The following PIK3C2B variants were observed in gnomAD, a reference collection of about 807,000 sequenced individuals.
PIK3C2B encodes the protein phosphatidylinositol-4-phosphate 3-kinase catalytic subunit type 2 beta.
In PIK3C2B, 83 loss-of-function variants were observed where a neutral mutation model predicts 184.3. The observed-to-expected ratio is 0.45, with a 90% CI of 0.38 to 0.54. The LOEUF (loss-of-function observed/expected upper bound fraction) is 0.54. Among genes scored for constraint, PIK3C2B ranks in the 20% least tolerant of loss-of-function variants. PIK3C2B has a pLI of 0.00. For synonymous variants in PIK3C2B, 779 were observed against 837.6 expected (o/e 0.93, Z 1.21); for missense variants, 1,736 against 2,113.5 (o/e 0.82, Z 3.50).
At chr1:204,450,339 C>A (rs1255143143) in intron 12 of PIK3C2B, among the ~76,000 whole-genome samples, 1 of 152,190 alleles carries the variant, frequency 6.6e-6, no homozygotes, top group African/African-American at 2.4e-5. Context: ...CAGGTGATGA[C>A]ACGTCCCATG....
At chr1:204,430,734 C>T (rs768794599) in intron 28 of PIK3C2B, among the ~76,000 whole-genome samples, 1 of 152,108 alleles carries the variant, frequency 6.6e-6, no homozygotes, top group Admixed American at 6.5e-5. Flanking sequence ...TCTCAGCTCA[C>T]TGCAACCTCT....
At position 204,443,481 on chromosome 1, in the gene PIK3C2B, C is replaced by T; in HGVS notation, c.2984G>A (p.Trp995Ter). 1 of 1,614,252 alleles carries T rather than the reference C, an allele frequency of 6.2e-7. No individual in the cohort carries two copies. Among genetic ancestry groups the T allele is most frequent in the Non-Finnish European group, 8.5e-7 (1 of 1,180,054 alleles). ...GLREEFNRQC[W>*]LVNALAKLAQ... ...CAGTTTGGCCAGGGCATTGACAAGCCAGCACTGGCGGTTAAACTCTTCTCT... is the reference window on the plus strand; with the variant it reads ...CAGTTTGGCCAGGGCATTGACAAGCTAGCACTGGCGGTTAAACTCTTCTCT... Residue 995 changes from tryptophan to a stop codon, truncating the protein, a stop_gained, in exon 19 of 33, where the codon TGG becomes TAG. Transcript: ENST00000684373. LOFTEE classifies it high-confidence loss of function.
Position 204,465,359 on chromosome 1 carries a change from G to A in PIK3C2B, c.934-40C>T, listed in dbSNP as rs751040219. On this transcript the variant is annotated intron_variant, in intron 2 of 32. Transcript: ENST00000684373. ...CAGACGACTCAGTGCCTTTTTCCTCGTGGTGTCCCCTCCCTATGAGGTACT... is the reference window on the plus strand; with the variant it reads ...CAGACGACTCAGTGCCTTTTTCCTCATGGTGTCCCCTCCCTATGAGGTACT... The A allele has an allele frequency of 5.3e-5, 69 of 1,293,588 alleles. No homozygotes were observed. In the East Asian group the frequency reaches 6.9e-4, roughly 13 times the overall value. The allele number at this position is 1,293,588 out of a possible 1,614,324, so 80.1% of individuals were successfully genotyped here. A position where few individuals can be genotyped will look rare whatever the true frequency, so the allele number is the denominator to read the frequency against.
At chr1:204,470,297 A>G (rs945646173) in intron 1 of PIK3C2B, among the ~76,000 whole-genome samples, 2 of 151,528 alleles carry the variant, frequency 1.3e-5, no homozygotes, top group African/African-American at 4.9e-5. Flanking sequence ...CCTCCCTAGT[A>G]GCTGGGATTA....
chr1:204,469,849 C>T lies in PIK3C2B; in HGVS notation c.-47G>A, dbSNP rs749042707. On this transcript the variant is annotated 5_prime_UTR_variant, in exon 2 of 33. Transcript: ENST00000684373. ...CAACAAAGTCTCTACTTCCTGCCAA[C>T]GTCAGTTCTGGAGGGTTGTGACATG... 2.1e-5 allele frequency: 29 copies of T among 1,362,624 alleles called. No homozygotes were observed. The Admixed American group carries it at 3.1e-4, about 14-fold the overall frequency. 84.4% of individuals were successfully genotyped at this position (1,362,624 alleles called of 1,614,324 possible).
At chr1:204,458,871 C>CAG (rs1315394050) in intron 8 of PIK3C2B, among the ~76,000 whole-genome samples, 1 of 152,180 alleles carries the variant, frequency 6.6e-6, no homozygotes, top group African/African-American at 2.4e-5. Context: ...CACAGGTGTT[C>CAG]AGAGAGCTTC....
intron 1 of PIK3C2B, among the ~76,000 whole-genome samples, chr1:204,490,775 A>G (rs1657954885): frequency 1.3e-5 from 2 of 152,136 alleles, no homozygotes; most frequent in African/African-American, 4.8e-5. Flanking sequence ...AAAGAAAAAA[A>G]AAAAAGGCAA....
intron 31 of PIK3C2B, among the ~76,000 whole-genome samples, chr1:204,426,112 G>C (rs1674727496): frequency 6.6e-6 from 1 of 152,182 alleles, no homozygotes; most frequent in Non-Finnish European, 1.5e-5. Context: ...AAGAGGTAGA[G>C]ACATGAGTCA....
chr1:204,456,792 G>A (rs1442754933), intron 10 of PIK3C2B, among the ~76,000 whole-genome samples: 1 of 151,772 alleles, frequency 6.6e-6, no homozygotes, highest in Non-Finnish European at 1.5e-5. Context: ...GGGACACCAG[G>A]AGGAATGACT....
At chr1:204,464,868 T>C (rs1313198448) in intron 3 of PIK3C2B, among the ~76,000 whole-genome samples, 1 of 152,204 alleles carries the variant, frequency 6.6e-6, no homozygotes, top group Non-Finnish European at 1.5e-5. Context: ...CCATGCTAAG[T>C]TTAATGGAAA....
chr1:204,473,856 A>T (rs888661768), intron 1 of PIK3C2B, among the ~76,000 whole-genome samples: 9 of 152,124 alleles, frequency 5.9e-5, no homozygotes, highest in Non-Finnish European at 1.2e-4. Flanking sequence ...ATAATGCTCC[A>T]TGGATTTCCC....
intron 1 of PIK3C2B, among the ~76,000 whole-genome samples, chr1:204,477,371 G>T (rs899377637): frequency 2.6e-5 from 4 of 152,184 alleles, no homozygotes; most frequent in Admixed American, 2.6e-4. Flanking sequence ...GACCTGGGTA[G>T]AGGCACCCCA....
intron 8 of PIK3C2B, among the ~76,000 whole-genome samples, chr1:204,458,418 T>C (rs540338894): frequency 6.6e-6 from 1 of 152,206 alleles, no homozygotes; most frequent in South Asian, 2.1e-4. Context: ...ATTACCATCC[T>C]GTTCTGTCTA....
intron 1 of PIK3C2B, among the ~76,000 whole-genome samples, chr1:204,489,472 T>C (rs1312911010): frequency 7.2e-6 from 1 of 138,716 alleles, no homozygotes; most frequent in Non-Finnish European, 1.6e-5. Context: ...TCCTGGCCCC[T>C]ATCTTTTAAT....
intron 23 of PIK3C2B, among the ~76,000 whole-genome samples, chr1:204,438,477 C>T (rs999252165): frequency 1.3e-5 from 2 of 152,200 alleles, no homozygotes; most frequent in African/African-American, 4.8e-5. Flanking sequence ...ATATCAGCTC[C>T]ATAACTAGGA....
chr1:204,464,669 T>C, intron 3 of PIK3C2B, 65 bp from the exon 4 acceptor site: 2 of 1,493,844 alleles, frequency 1.3e-6, no homozygotes, highest in East Asian at 2.3e-5. Flanking sequence ...AGACATCTGT[T>C]GGGAACCTCA....
intron 1 of PIK3C2B, among the ~76,000 whole-genome samples, chr1:204,491,753 G>A (rs1177744228): frequency 6.6e-6 from 1 of 152,180 alleles, no homozygotes; most frequent in Non-Finnish European, 1.5e-5. Flanking sequence ...CTGAGGCTAT[G>A]AACACAGGGT....
chr1:204,430,081 T>C (rs768054747), intron 28 of PIK3C2B, 43 bp from the exon 29 acceptor site: 2 of 1,276,308 alleles, frequency 1.6e-6, no homozygotes, highest in Admixed American at 3.5e-5. Flanking sequence ...GAGGTGAAGA[T>C]GGGGAAAGAA....
chr1:204,477,573 A>G (rs948654175), intron 1 of PIK3C2B, among the ~76,000 whole-genome samples: 1 of 152,174 alleles, frequency 6.6e-6, no homozygotes, highest in Admixed American at 6.5e-5. Context: ...GAAAGAAAGG[A>G]GAGGGCACTC....
Sources: allele counts gnomAD v4.1 joint callset (sites outside exome capture counted in the v4.1 genomes callset), GRCh38; gene constraint gnomAD v4.1.1; transcripts MANE v1.5; gene names NCBI Gene and HGNC (gene_info 2026-07-23, HGNC 2026-07-21).